The following TMCC2 variants were observed in gnomAD, a reference collection of about 807,000 sequenced individuals.
TMCC2 encodes transmembrane and coiled-coil domain family 2.
TMCC2 carries 16 observed loss-of-function variants against 49.4 expected under a neutral mutation model. The observed-to-expected ratio is 0.32, with a 90% confidence interval of 0.22 to 0.49. The LOEUF is 0.49. Ranked by LOEUF, TMCC2 falls within the 20% of genes least tolerant of loss-of-function variation. The pLI is 0.99. For synonymous variants in TMCC2, 397 were observed against 434.1 expected (o/e 0.91, Z 1.06); for missense variants, 762 against 989.8 (o/e 0.77, Z 3.09).
chr1:205,238,309 G>A (rs1002364126), intron 1 of TMCC2, among the ~76,000 whole-genome samples: 5 of 151,934 alleles, frequency 3.3e-5, no homozygotes, highest in Non-Finnish European at 7.4e-5. Context: ...ACACCCACAT[G>A]CAGAAGCGGC....
chr1:205,230,525 T>G (rs1298114253), intron 1 of TMCC2, among the ~76,000 whole-genome samples: 1 of 152,126 alleles, frequency 6.6e-6, no homozygotes, highest in Non-Finnish European at 1.5e-5. Context: ...AATGCTGTTG[T>G]GGGGAGGAGG....
intron 2 of TMCC2, among the ~76,000 whole-genome samples, chr1:205,252,108 TCCTA>T (rs1660693013): frequency 6.6e-6 from 1 of 152,202 alleles, no homozygotes; most frequent in Admixed American, 6.5e-5. Context: ...CATCCGTCTT[TCCTA>T]CCTGCCTGGT....
intron 2 of TMCC2, among the ~76,000 whole-genome samples, chr1:205,266,379 TGAG>T (rs1661332176): frequency 6.6e-6 from 1 of 151,180 alleles, no homozygotes; most frequent in Non-Finnish European, 1.5e-5. Context: ...TCCCCTGAGA[TGAG>T]GAGTTGAAGA....
intron 2 of TMCC2, among the ~76,000 whole-genome samples, chr1:205,261,334 A>G (rs1661105877): frequency 6.6e-6 from 1 of 150,854 alleles, no homozygotes; most frequent in African/African-American, 2.4e-5. Flanking sequence ...CTTCCTGAGT[A>G]GCTGGGACTA....
intron 2 of TMCC2, among the ~76,000 whole-genome samples, chr1:205,250,100 G>A (rs1660607014): frequency 6.6e-6 from 1 of 152,234 alleles, no homozygotes; most frequent in South Asian, 2.1e-4. Flanking sequence ...TGAGGACTCT[G>A]TTTCTGACCT....
At chr1:205,270,145 C>T (rs1313857979) in intron 3 of TMCC2, among the ~76,000 whole-genome samples, 4 of 152,178 alleles carry the variant, frequency 2.6e-5, no homozygotes, top group African/African-American at 9.7e-5. Context: ...CTCCTGGGTT[C>T]AAGCGATTCT....
intron 3 of TMCC2, among the ~76,000 whole-genome samples, chr1:205,270,491 T>G (rs1271829895): frequency 6.6e-6 from 1 of 152,224 alleles, no homozygotes; most frequent in Non-Finnish European, 1.5e-5. Flanking sequence ...TTTCTGCCCT[T>G]GGCTCTGTGC....
rs377598508 is a variant in TMCC2 at position 205,269,901 on chromosome 1, C to T, written c.1682+17C>T. ...GCGCTACAGGTAGGTGCCTGCCCACCCCCTCCTGCAGCCCAGCCGGACGTG... is the reference window on the plus strand; with the variant it reads ...GCGCTACAGGTAGGTGCCTGCCCACTCCCTCCTGCAGCCCAGCCGGACGTG... On this transcript the variant is annotated intron_variant, in intron 3 of 4. Transcript: ENST00000358024. The T allele has an allele frequency of 7.3e-5, 117 of 1,602,374 alleles. No homozygotes were observed. The highest frequency in any genetic ancestry group is 4.7e-4 in the East Asian group (21 of 44,700).
Position 205,271,118 on chromosome 1 carries a change from A to G in TMCC2, c.1683-2A>G, listed in dbSNP as rs746742379. 3.1e-6 allele frequency: 5 copies of G among 1,612,470 alleles called. No homozygotes were observed. The highest frequency in any genetic ancestry group is 3.4e-6 in the Non-Finnish European group (4 of 1,179,976). ...TGGTGTCACTCTCTCTCCCTCCGCC[A>G]GGTACGAGCGGCTGGAGGAGCAGCT... is the stretch of plus-strand genomic sequence containing the variant. On this transcript the variant is annotated splice_acceptor_variant, in intron 3 of 4. Transcript: ENST00000358024. LOFTEE classifies it high-confidence loss of function.
Position 205,254,114 on chromosome 1 carries a change from C to T in TMCC2, c.747+12070C>T, listed in dbSNP as rs1298893374. Among the ~76,000 whole-genome samples the T allele has an allele frequency of 3.3e-5, 5 of 152,150 alleles. No homozygotes were observed. The East Asian group carries it at 7.7e-4, about 23-fold the overall frequency. ...GCCTCCTCACAGTTGTGAAGCGGCA[C>T]GGACAGAACATGGAAGCCGCACAGC... On this transcript the variant is annotated intron_variant, in intron 2 of 4. Transcript: ENST00000358024.
intron 2 of TMCC2, among the ~76,000 whole-genome samples, chr1:205,256,726 C>A (rs1660884853): frequency 6.6e-6 from 1 of 152,182 alleles, no homozygotes. Context: ...AGGGAGCCCC[C>A]CTCCAGGCTC....
chr1:205,246,062 A>G (rs1660439775), intron 2 of TMCC2, among the ~76,000 whole-genome samples: 1 of 152,012 alleles, frequency 6.6e-6, no homozygotes, highest in Admixed American at 6.6e-5. Flanking sequence ...GGGCGTGAGC[A>G]GGGCATCTGG....
chr1:205,257,075 G>C lies in TMCC2; in HGVS notation c.748-11875G>C. 2 of 1,007,576 alleles carry C rather than the reference G, an allele frequency of 2.0e-6. 1 individual carries two copies. The highest frequency in any genetic ancestry group is 2.5e-6 in the Non-Finnish European group (2 of 790,258). 62.4% of individuals were successfully genotyped at this position (1,007,576 alleles called of 1,614,324 possible). On this transcript the variant is annotated intron_variant, in intron 2 of 4. Coordinates refer to ENST00000358024, the MANE Select transcript of TMCC2 (RefSeq NM_014858.4). ...GTGGAGGGGCATCTCATCAGAGCTC[G>C]GTCCTCCCGCGCTCGGTGATCCTCC...
chr1:205,250,876 G>A (rs945056386), intron 2 of TMCC2, among the ~76,000 whole-genome samples: 6 of 152,122 alleles, frequency 3.9e-5, no homozygotes, highest in African/African-American at 1.4e-4. Context: ...GTCTGTCATC[G>A]GGTTCCAGAC....
intron 2 of TMCC2, among the ~76,000 whole-genome samples, chr1:205,255,785 T>C (rs899334090): frequency 2.0e-5 from 3 of 152,158 alleles, no homozygotes; most frequent in African/African-American, 7.2e-5. Context: ...AATAGGGGCA[T>C]AAGACCTATT....
intron 1 of TMCC2, chr1:205,233,855 T>C (rs1163434082): frequency 6.6e-6 from 1 of 151,912 alleles, no homozygotes; most frequent in Non-Finnish European, 1.5e-5. Flanking sequence ...GGTCTCAGTT[T>C]CTCCTTTTTT....
rs1257718080 is a variant in TMCC2 at position 205,264,559 on chromosome 1, A to G, written c.748-4391A>G. 6.6e-6 allele frequency among the ~76,000 whole-genome samples: 1 copy of G among 150,824 alleles called. No homozygotes were observed. The highest frequency in any genetic ancestry group is 1.5e-5 in the Non-Finnish European group (1 of 67,830). On this transcript the variant is annotated intron_variant, in intron 2 of 4. Transcript: ENST00000358024. The surrounding 1 kb of genome is among the most constrained non-coding windows in gnomAD (Gnocchi z 4.2). ...CAGTGCAGTGGCGTGATCTCGGTTC[A>G]CTGCAAGCTCCGCCTCCCAGGTTCG...
At position 205,272,546 on chromosome 1, in the gene TMCC2, G is replaced by C; in HGVS notation, c.*422G>C. The C allele has an allele frequency of 5.2e-6, 1 of 193,540 alleles. No homozygotes were observed. The highest frequency in any genetic ancestry group is 1.1e-4 in the South Asian group (1 of 9,274). 12.0% of individuals were successfully genotyped at this position (193,540 alleles called of 1,614,324 possible). A position where few individuals can be genotyped will look rare whatever the true frequency, so the allele number is the denominator to read the frequency against. On this transcript the variant is annotated 3_prime_UTR_variant, in exon 5 of 5. Coordinates refer to ENST00000358024, the MANE Select transcript of TMCC2 (RefSeq NM_014858.4). Reference sequence around the variant, plus strand: ...GCTACGGTTTTCTCTGGTGGAGATGGTGAGGATGAAGGCTGGAGAGTGAGG... The same window carrying C: ...GCTACGGTTTTCTCTGGTGGAGATGCTGAGGATGAAGGCTGGAGAGTGAGG...
chr1:205,228,650 C>G lies in TMCC2; in HGVS notation c.86C>G (p.Pro29Arg). 1 of 1,613,156 alleles carries G rather than the reference C, an allele frequency of 6.2e-7. No individual in the cohort carries two copies. The highest frequency in any genetic ancestry group is 8.5e-7 in the Non-Finnish European group (1 of 1,179,820). The change falls in exon 1 of 5, where the codon CCG becomes CGG. Residue 29 changes from proline (P) to arginine (R), a missense_variant. Coordinates refer to ENST00000358024, the MANE Select transcript of TMCC2 (RefSeq NM_014858.4). ...CTGGAAGATGCCGCTTCCCACCTGC[C>G]GGGCGCGGACCTCCGGCCTGGGGAG... ...AGLEDAASHLPGADLRPGETT... is the reference protein window; with the variant it reads ...AGLEDAASHLRGADLRPGETT...
Sources: gnomAD v4.1 joint callset for allele counts (sites outside exome capture counted in the v4.1 genomes callset) on GRCh38, gnomAD v4.1.1 for gene constraint, Gnocchi (gnomAD v3.1) non-coding constraint, MANE v1.5 for transcripts, NCBI Gene and HGNC (gene_info 2026-07-23, HGNC 2026-07-21) for gene names.